Variants in RHBDD1 observed in about 807,000 individuals in gnomAD.
RHBDD1 encodes rhomboid-related protein 4.
A neutral mutation model predicts 36.3 loss-of-function variants in RHBDD1; 38 were observed. That is an observed-to-expected ratio of 1.05 (90% confidence interval 0.81 to 1.37). The LOEUF is 1.37. RHBDD1 is among the 40% of genes most tolerant of loss of function. The pLI is 0.00. For missense variants in RHBDD1, 393 were observed against 377.6 expected (o/e 1.04, Z -0.34); for synonymous variants, 151 against 136.5 (o/e 1.11, Z -0.74).
the RHBDD1 span, among the ~76,000 whole-genome samples, chr2:226,827,535 GTTTTGT>G: frequency 6.6e-6 from 1 of 152,096 alleles, no homozygotes; most frequent in African/African-American, 2.4e-5. Flanking sequence ...TCGCCTTTTT[GTTTTGT>G]TTTTGTTTGG....
chr2:226,887,578 G>A (rs921355657), intron 5 of RHBDD1, among the ~76,000 whole-genome samples: 1 of 152,214 alleles, frequency 6.6e-6, no homozygotes, highest in Non-Finnish European at 1.5e-5. Flanking sequence ...GAAGTGTGAT[G>A]CACCAGTAGG....
At chr2:226,853,111 A>G (rs1942988248) in intron 3 of RHBDD1, among the ~76,000 whole-genome samples, 1 of 152,074 alleles carries the variant, frequency 6.6e-6, no homozygotes, top group Non-Finnish European at 1.5e-5. Context: ...ATTAAATTTT[A>G]CACTGCATAT....
chr2:226,891,431 C>T (rs760516242), intron 5 of RHBDD1, among the ~76,000 whole-genome samples: 8 of 152,200 alleles, frequency 5.3e-5, no homozygotes, highest in Non-Finnish European at 8.8e-5. Flanking sequence ...ATAGCATAAT[C>T]ATAGAAGTGA....
chr2:226,962,632 C>T (rs971294395), intron 8 of RHBDD1, among the ~76,000 whole-genome samples: 7 of 152,044 alleles, frequency 4.6e-5, no homozygotes, highest in Non-Finnish European at 8.8e-5. Flanking sequence ...TTTAATTTTC[C>T]AGTATGCAGG....
At chr2:226,953,282 G>A (rs1326108914) in intron 8 of RHBDD1, among the ~76,000 whole-genome samples, 1 of 152,180 alleles carries the variant, frequency 6.6e-6, no homozygotes, top group Non-Finnish European at 1.5e-5. Flanking sequence ...AGTTAGAGAC[G>A]ATTATAACCC....
At chr2:226,812,633 TTCTC>T in the RHBDD1 span, among the ~76,000 whole-genome samples, 7 of 150,130 alleles carry the variant, frequency 4.7e-5, no homozygotes, top group South Asian at 4.2e-4. Context: ...ATCATAGATG[TTCTC>T]TCTCTCTCTC....
At chr2:226,900,436 A>C (rs962217268) in intron 5 of RHBDD1, among the ~76,000 whole-genome samples, 4 of 152,132 alleles carry the variant, frequency 2.6e-5, no homozygotes, top group Non-Finnish European at 5.9e-5. Flanking sequence ...GGCCCCTGTG[A>C]CTGTATGTCA....
chr2:226,894,384 C>T (rs992426705), intron 5 of RHBDD1, among the ~76,000 whole-genome samples: 4 of 152,158 alleles, frequency 2.6e-5, no homozygotes, highest in Non-Finnish European at 5.9e-5. Context: ...ATTCTCCTGC[C>T]TCAGCTTCCC....
chr2:226,962,162 T>C (rs1283118616), intron 8 of RHBDD1, among the ~76,000 whole-genome samples: 1 of 152,214 alleles, frequency 6.6e-6, no homozygotes, highest in Non-Finnish European at 1.5e-5. Context: ...AGTGGTGATA[T>C]ATTGGACACT....
intron 8 of RHBDD1, among the ~76,000 whole-genome samples, chr2:226,992,134 G>A (rs770318883): frequency 6.6e-6 from 1 of 152,144 alleles, no homozygotes; most frequent in African/African-American, 2.4e-5. Context: ...TGACACAAGT[G>A]GAAACTATAG....
chr2:226,943,353 A>G (rs563079845), intron 8 of RHBDD1, among the ~76,000 whole-genome samples: 24 of 152,354 alleles, frequency 1.6e-4, no homozygotes, highest in African/African-American at 5.8e-4. Context: ...CTGAGTGTGC[A>G]GTCATAGGAG....
intron 8 of RHBDD1, among the ~76,000 whole-genome samples, chr2:226,953,022 A>G (rs1951538666): frequency 1.3e-5 from 2 of 152,242 alleles, no homozygotes; most frequent in Non-Finnish European, 2.9e-5. Flanking sequence ...ATTAAGACCA[A>G]CTTTCATCAC....
At chr2:226,894,547 A>C (rs1171430726) in intron 5 of RHBDD1, among the ~76,000 whole-genome samples, 1 of 152,218 alleles carries the variant, frequency 6.6e-6, no homozygotes, top group Non-Finnish European at 1.5e-5. Flanking sequence ...CTTGGATTGC[A>C]GGCGTGAGCC....
intron 8 of RHBDD1, among the ~76,000 whole-genome samples, chr2:226,930,592 A>G (rs531817523): frequency 6.6e-6 from 1 of 152,214 alleles, no homozygotes; most frequent in South Asian, 2.1e-4. Context: ...CAAAGAATTT[A>G]TGACTAAGAC....
At chr2:226,816,196 A>G in the RHBDD1 span, among the ~76,000 whole-genome samples, 1 of 152,088 alleles carries the variant, frequency 6.6e-6, no homozygotes, top group Non-Finnish European at 1.5e-5. Flanking sequence ...TAGTATTTCT[A>G]AGGATATTAT....
chr2:226,871,607 A>G (rs1222717950), intron 5 of RHBDD1, among the ~76,000 whole-genome samples: 2 of 152,222 alleles, frequency 1.3e-5, no homozygotes, highest in African/African-American at 4.8e-5. Flanking sequence ...TTGACATTTT[A>G]AAGATATCAG....
intron 8 of RHBDD1, among the ~76,000 whole-genome samples, chr2:226,937,098 G>A (rs866511098): frequency 1.3e-5 from 2 of 152,100 alleles, no homozygotes; most frequent in African/African-American, 4.8e-5. Context: ...AGTTTTTGAT[G>A]TGTATATTCT....
At position 226,935,362 on chromosome 2, in the gene RHBDD1, A is replaced by G. The variant is rs147237942; in HGVS notation, c.856+21011A>G. On this transcript the variant is annotated intron_variant, in intron 8 of 8. Coordinates refer to ENST00000392062, the MANE Select transcript of RHBDD1 (RefSeq NM_001167608.3). ...GACCAATTGAGATACGCTTTAAGTT[A>G]AAAAGGGGAGATAATTTATTTAATT... is the stretch of plus-strand genomic sequence containing the variant. 4.3e-4 allele frequency: 65 copies of G among 152,286 alleles called. No individual in the cohort carries two copies. The East Asian group carries it at 0.012, about 29-fold the overall frequency. 9.4% of individuals were successfully genotyped at this position (152,286 alleles called of 1,614,324 possible). A position where few individuals can be genotyped will look rare whatever the true frequency, so the allele number is the denominator to read the frequency against.
At chr2:226,903,878 C>T (rs1947807561) in intron 5 of RHBDD1, among the ~76,000 whole-genome samples, 1 of 152,136 alleles carries the variant, frequency 6.6e-6, no homozygotes, top group Non-Finnish European at 1.5e-5. Context: ...CAGAACGGCG[C>T]AACAGAGAGA....
Sources: gnomAD v4.1 joint callset for allele counts (sites outside exome capture counted in the v4.1 genomes callset) on GRCh38, gnomAD v4.1.1 for gene constraint, MANE v1.5 for transcripts, NCBI Gene and HGNC (gene_info 2026-07-23, HGNC 2026-07-21) for gene names.